Variants in AGO4 observed in about 807,000 individuals in gnomAD.
AGO4 encodes argonaute RISC component 4, also known as protein argonaute-4.
A neutral mutation model predicts 104.7 loss-of-function variants in AGO4; 33 were observed. That is an observed-to-expected ratio of 0.32 (90% confidence interval 0.24 to 0.42). The LOEUF (loss-of-function observed/expected upper bound fraction) is 0.42, where lower values mean the gene tolerates loss of function less well. Ranked by LOEUF, AGO4 falls within the 10% of genes least tolerant of loss-of-function variation. The probability of loss-of-function intolerance (pLI) is 1.00; values close to 1 mark genes in which losing one functional copy is unlikely to be tolerated. For missense variants in AGO4, 711 were observed against 1,083.4 expected, an observed-to-expected ratio of 0.66 and a Z score of 4.83; for synonymous variants, 331 against 364.7, an observed-to-expected ratio of 0.91 and a Z score of 1.05.
chr1:35,824,148 T>A (rs186391314), intron 3 of AGO4, among the ~76,000 whole-genome samples: 6 of 152,186 alleles, frequency 3.9e-5, no homozygotes, highest in African/African-American at 1.2e-4. Flanking sequence ...TTATTTTTTT[T>A]AAATTAGAAA....
chr1:35,825,551 T>C, intron 4 of AGO4, 57 bp downstream of exon 4: 1 of 1,564,146 alleles, frequency 6.4e-7, no homozygotes, highest in Non-Finnish European at 8.6e-7. Context: ...TGGTAGGTTG[T>C]ACTGGAGCCA....
At chr1:35,843,397 G>A (rs113087234) in intron 15 of AGO4, among the ~76,000 whole-genome samples, 1,560 of 152,108 alleles carry the variant, frequency 0.01, 17 homozygotes, top group African/African-American at 0.033. Flanking sequence ...CTGAATCAAG[G>A]TTGTTTTCTC....
intron 13 of AGO4, among the ~76,000 whole-genome samples, chr1:35,840,707 C>T (rs1644421609): frequency 6.6e-6 from 1 of 152,150 alleles, no homozygotes. Flanking sequence ...GCCTCAAACT[C>T]CTGGGCTTAA....
At chr1:35,845,123 T>C in intron 15 of AGO4, among the ~76,000 whole-genome samples, 1 of 135,152 alleles carries the variant, frequency 7.4e-6, no homozygotes. Flanking sequence ...CTTTTTTTTT[T>C]TTTTTTTTGA....
rs1644816930 is a variant in AGO4 at position 35,856,385 on chromosome 1, A to G, written c.*2780A>G. 6.6e-6 allele frequency: 1 copy of G among 152,256 alleles called. No individual in the cohort carries two copies. The highest frequency in any genetic ancestry group is 1.5e-5 in the Non-Finnish European group (1 of 68,044). The allele number at this position is 152,256 out of a possible 1,614,324, so 9.4% of individuals were successfully genotyped here. A position where few individuals can be genotyped will look rare whatever the true frequency, so the allele number is the denominator to read the frequency against. On this transcript the variant is annotated 3_prime_UTR_variant, in exon 18 of 18. Coordinates refer to ENST00000373210, the MANE Select transcript of AGO4 (RefSeq NM_017629.4). ...TGACTGAATCGTTATGCATGTGTCA[A>G]TCAATGGGAGGTGTGCATTCTCTAG...
In AGO4 at chr1:35,808,459, GCGGGACCCGGGACC is replaced by G. The variant is rs775495758; in HGVS notation, c.19+36_19+49del. The stretch of plus-strand genomic sequence containing the variant: ...CGGTGAGGAGCGAGCTCGGGTCGGG[GCGGGACCCGGGACC>G]CGGGACCCGGGGCGGGCGGCCGGGA... On this transcript the variant is annotated intron_variant, in intron 1 of 17. Coordinates refer to ENST00000373210, the MANE Select transcript of AGO4 (RefSeq NM_017629.4). This position sits in a 1 kb window ranked among gnomAD's most constrained non-coding sequence, Gnocchi z 5.2. The G allele has an allele frequency of 4.2e-6, 5 of 1,179,560 alleles. No homozygotes were observed. Among genetic ancestry groups the G allele is most frequent in the South Asian group, 4.2e-5 (1 of 23,912 alleles). The allele number at this position is 1,179,560 out of a possible 1,614,324, so 73.1% of individuals were successfully genotyped here.
chr1:35,811,668 A>G (rs1355699518), intron 1 of AGO4, among the ~76,000 whole-genome samples: 1 of 151,942 alleles, frequency 6.6e-6, no homozygotes, highest in Non-Finnish European at 1.5e-5. Flanking sequence ...CAGTGGCGCC[A>G]TCTCGGCTCA....
At chr1:35,844,832 T>C (rs1644529522) in intron 15 of AGO4, among the ~76,000 whole-genome samples, 1 of 152,242 alleles carries the variant, frequency 6.6e-6, no homozygotes, top group Non-Finnish European at 1.5e-5. Context: ...TCAGTCTCAC[T>C]GCTACCTTAT....
chr1:35,809,494 C>T (rs950111110), intron 1 of AGO4, among the ~76,000 whole-genome samples: 1 of 152,188 alleles, frequency 6.6e-6, no homozygotes, highest in African/African-American at 2.4e-5. Flanking sequence ...CACTTGTTTG[C>T]ATAGCTGAGT....
At position 35,841,637 on chromosome 1, in the gene AGO4, G is replaced by A. The variant is rs755450605; in HGVS notation, c.2062G>A (p.Ala688Thr). 1.9e-6 allele frequency: 3 copies of A among 1,613,856 alleles called. No individual in the cohort carries two copies. The highest frequency in any genetic ancestry group is 4.5e-5 in the East Asian group (2 of 44,882). The change falls in exon 15 of 18, where the codon GCA becomes ACA. Residue 688 changes from alanine to threonine, a missense_variant. Transcript: ENST00000373210. This position sits in a 1 kb window ranked among gnomAD's most constrained non-coding sequence, Gnocchi z 4.7. ...CTAGGTAGCTTGGCCAGAACTAATA[G>A]CAATTCGAAAGGCATGTATTAGCTT... ...MKQVAWPELI[A>T]IRKACISLEE... is the part of the protein sequence containing the mutation.
At chr1:35,848,660 A>G (rs1385566369) in intron 15 of AGO4, among the ~76,000 whole-genome samples, 1 of 152,034 alleles carries the variant, frequency 6.6e-6, no homozygotes, top group East Asian at 1.9e-4. Context: ...TTAAGGGTAA[A>G]ATAAATTTAG....
intron 15 of AGO4, among the ~76,000 whole-genome samples, chr1:35,847,388 C>T (rs1230882248): frequency 6.6e-6 from 1 of 152,120 alleles, no homozygotes; most frequent in East Asian, 1.9e-4. Context: ...CACATGCCAC[C>T]ATGCCCAGCT....
In AGO4 at chr1:35,825,418, G is replaced by T; in HGVS notation, c.412G>T (p.Ala138Ser). The change falls in exon 4 of 18, where the codon GCT (alanine) becomes TCT (serine). Residue 138 changes from alanine to serine, a missense_variant. By Grantham distance (99) the Ala-to-Ser change is moderately conservative. This residue lies in a region of AGO4 where 308 missense variants were observed against 397.8 expected (regional missense o/e 0.77). Transcript: ENST00000373210. ...CCTTCAGTTGCTTTTAGAAGCTTTG[G>T]CTGGGCACTTGAATGAAGTCCCAGA... is the stretch of plus-strand genomic sequence containing the variant. ...VSLQLLLEAL[A>S]GHLNEVPDDS... 2 of 1,614,176 alleles carry T rather than the reference G, an allele frequency of 1.2e-6. No individual in the cohort carries two copies. The highest frequency in any genetic ancestry group is 1.7e-6 in the Non-Finnish European group (2 of 1,180,036).
chr1:35,822,825 C>G, intron 2 of AGO4, 37 bp from the exon 3 acceptor site: 2 of 1,610,054 alleles, frequency 1.2e-6, no homozygotes, highest in East Asian at 2.2e-5. Context: ...TTCACCATTT[C>G]TGAAAGCTAA....
In AGO4 at chr1:35,834,008, G is replaced by A; in HGVS notation, c.1398G>A (p.Leu466=). The change falls in exon 12 of 18, where the codon CTG becomes CTA. Residue 466 remains leucine, a synonymous_variant. Coordinates refer to ENST00000373210, the MANE Select transcript of AGO4 (RefSeq NM_017629.4). ...EDLLKSFTDQ[L]RKISKDAGMP... The stretch of plus-strand genomic sequence containing the variant: ...TTAACAGGAGTTTCACTGACCAGCT[G>A]CGTAAAATCTCTAAGGATGCAGGAA... 1.3e-6 allele frequency: 2 copies of A among 1,576,234 alleles called. No homozygotes were observed. Among genetic ancestry groups the A allele is most frequent in the Admixed American group, 1.8e-5 (1 of 55,808 alleles).
rs964608246 is a variant in AGO4, at chr1:35,830,736, G to A, written c.849-691G>A. On this transcript the variant is annotated intron_variant, in intron 7 of 17. Transcript: ENST00000373210. ...CACACCTGTGATCCCAGCACTTTGG[G>A]AGGATGAGGCAGGTGGATCACCTGA... Among the ~76,000 whole-genome samples the A allele has an allele frequency of 3.3e-5, 5 of 152,082 alleles. 1 individual carries two copies. Among genetic ancestry groups the A allele is most frequent in the Admixed American group, 1.3e-4 (2 of 15,266 alleles).
rs1314189810 is a variant in AGO4 at position 35,825,827 on chromosome 1, C to G, written c.625+12C>G. On this transcript the variant is annotated intron_variant, in intron 5 of 17. Transcript: ENST00000373210. ...GCTCAACATTGATGGTAGGATGGAA[C>G]TCTCTTTATCCAATAACTCTTTGGG... is the stretch of plus-strand genomic sequence containing the variant. 1 of 1,583,718 alleles carries G rather than the reference C, an allele frequency of 6.3e-7. No individual in the cohort carries two copies. Among genetic ancestry groups the G allele is most frequent in the South Asian group, 1.2e-5 (1 of 85,764 alleles).
intron 12 of AGO4, among the ~76,000 whole-genome samples, chr1:35,834,795 A>G (rs1222536580): frequency 6.6e-6 from 1 of 152,104 alleles, no homozygotes; most frequent in Non-Finnish European, 1.5e-5. Flanking sequence ...TCCTGGGCTC[A>G]AGTGATTCTC....
intron 15 of AGO4, among the ~76,000 whole-genome samples, chr1:35,848,838 A>G (rs1161420446): frequency 6.6e-6 from 1 of 152,158 alleles, no homozygotes; most frequent in Admixed American, 6.5e-5. Flanking sequence ...ATTCCTAAAG[A>G]ACACACTTTG....
Sources: allele counts gnomAD v4.1 joint callset (sites outside exome capture counted in the v4.1 genomes callset), GRCh38; gene constraint gnomAD v4.1.1; regional missense constraint gnomAD v4.1.1; non-coding constraint Gnocchi (gnomAD v3.1); transcripts MANE v1.5; gene names NCBI Gene and HGNC (gene_info 2026-07-23, HGNC 2026-07-21).